KCP: variants seen among roughly 807,000 people sequenced by gnomAD.
KCP encodes the protein kielin cysteine rich BMP regulator, also known as kielin/chordin-like protein.
Under a neutral mutation model 212.7 loss-of-function variants are expected in KCP, and 194 were observed. That is an observed-to-expected ratio of 0.91 (90% CI 0.81 to 1.03). The LOEUF (loss-of-function observed/expected upper bound fraction) is 1.03, where lower values mean the gene tolerates loss of function less well. Among genes scored for constraint, KCP ranks in the 50% least tolerant of loss-of-function variants. The probability of loss-of-function intolerance (pLI) is 0.00; values close to 1 mark genes in which losing one functional copy is unlikely to be tolerated. For missense variants in KCP, 2,080 were observed against 2,162.5 expected (o/e 0.96, Z 0.76); for synonymous variants, 833 against 865.3 (o/e 0.96, Z 0.65).
rs766102866 is a variant in KCP at position 128,907,405 on chromosome 7, G to A, written c.268C>T (p.His90Tyr). The change falls in exon 3 of 40, where the codon CAC becomes TAC. Residue 90 changes from histidine to tyrosine, a missense_variant. Physicochemically the swap from His to Tyr is moderately conservative, Grantham distance 83 (BLOSUM62 2). Coordinates refer to ENST00000610776, the MANE Select transcript of KCP (RefSeq NM_001366122.1). The part of the protein sequence containing the change: ...RVRQLESCEC[H>Y]PASPQCWGLG... ...CCCCAGCACTGGGGAGATGCAGGGT[G>A]GCACTCACAGGACTCCAGCTGCCTC... is the stretch of plus-strand genomic sequence containing the variant. 1.2e-5 allele frequency: 18 copies of A among 1,522,682 alleles called. 1 individual carries two copies. In the South Asian group the frequency reaches 2.1e-4, roughly 17 times the overall value. 94.3% of individuals were successfully genotyped at this position (1,522,682 alleles called of 1,614,324 possible). A position where few individuals can be genotyped will look rare whatever the true frequency, so the allele number is the denominator to read the frequency against.
intron 28 of KCP, 145 bp from the exon 29 acceptor site, chr7:128,884,267 TCA>T: frequency 9.9e-7 from 1 of 1,010,360 alleles, no homozygotes; most frequent in Non-Finnish European, 1.4e-6. Flanking sequence ...GAAGAGAGAC[TCA>T]GTGTCTTCTA....
intron 7 of KCP, chr7:128,903,139 T>G: frequency 2.0e-6 from 1 of 496,674 alleles, no homozygotes; most frequent in Non-Finnish European, 3.6e-6. Context: ...CTCTCACACC[T>G]TCCCAGCCAA....
At position 128,906,309 on chromosome 7, in the gene KCP, G is replaced by A. The variant is rs557573846; in HGVS notation, c.541C>T (p.Pro181Ser). Residue 181 changes from proline (P) to serine (S), a missense_variant, in exon 5 of 40, where the codon CCA becomes TCA. Physicochemically the swap from Pro to Ser is moderately conservative, Grantham distance 74 (BLOSUM62 -1). Transcript: ENST00000610776. ...TTACAGTGCGGGCAGCATGCTCCTG[G>A]CTCAGGGCAGGGTCCTCTTGGGCAT... ...KPCPRGPCPE[P>S]GACCPHCKPG... 19 of 1,550,944 alleles carry A rather than the reference G, an allele frequency of 1.2e-5. No homozygotes were observed. The Admixed American group carries it at 3.3e-4, about 27-fold the overall frequency.
chr7:128,906,294 G>A lies in KCP; in HGVS notation c.556C>T (p.Pro186Ser). 1 of 1,551,092 alleles carries A rather than the reference G, an allele frequency of 6.4e-7. No homozygotes were observed. The highest frequency in any genetic ancestry group is 8.7e-7 in the Non-Finnish European group (1 of 1,146,818). Reference sequence around the variant, plus strand: ...GGAGGCTGACCTGGCTTACAGTGCGGGCAGCATGCTCCTGGCTCAGGGCAG... The same window carrying A: ...GGAGGCTGACCTGGCTTACAGTGCGAGCAGCATGCTCCTGGCTCAGGGCAG... ...GPCPEPGACC[P>S]HCKPGCDYEG... Residue 186 changes from proline (P) to serine (S), a missense_variant, in exon 5 of 40, where the codon CCG becomes TCG. By Grantham distance (74) the Pro-to-Ser change is moderately conservative. Coordinates refer to ENST00000610776, the MANE Select transcript of KCP (RefSeq NM_001366122.1).
At chr7:128,887,756 CAT>C (rs1467423629) in intron 22 of KCP, among the ~76,000 whole-genome samples, 1 of 150,332 alleles carries the variant, frequency 6.7e-6, no homozygotes, top group African/African-American at 2.5e-5. Context: ...TACACACACA[CAT>C]AAACACACAG....
At chr7:128,908,646 AC>A in intron 1 of KCP, 78 bp from the exon 2 acceptor site, 1 of 1,458,502 alleles carries the variant, frequency 6.9e-7, no homozygotes, top group Middle Eastern at 2.1e-4. Context: ...CTGTCTTCTG[AC>A]CCACAGGGGA....
chr7:128,892,232 G>T (rs1156391289), intron 16 of KCP, among the ~76,000 whole-genome samples: 2 of 151,992 alleles, frequency 1.3e-5, no homozygotes, highest in South Asian at 4.2e-4. Context: ...GGGGGGTAGG[G>T]GGGTGGGGGC....
rs1481303657 is a variant in KCP at position 128,893,445 on chromosome 7, G to A, written c.1131C>T (p.Ser377=). Residue 377 remains serine (S), a synonymous_variant, in exon 12 of 40, where the codon AGC becomes AGT. Coordinates refer to ENST00000610776, the MANE Select transcript of KCP (RefSeq NM_001366122.1). ...GCTCTTGGAGTCTGAAGGTCTCCTG[G>A]CTCTGATACTGGTGTCCCTGGTACT... is the stretch of plus-strand genomic sequence containing the variant. ...GCEYQGHQYQ[S]QETFRLQERG... The A allele has an allele frequency of 1.2e-5, 19 of 1,551,454 alleles. No individual in the cohort carries two copies. The highest frequency in any genetic ancestry group is 1.6e-5 in the Non-Finnish European group (18 of 1,146,912).
In KCP at chr7:128,892,997, A is replaced by T. The variant is rs1333203821; in HGVS notation, c.1292T>A (p.Phe431Tyr). The stretch of plus-strand genomic sequence containing the variant: ...AGGCTCCCACTGGACTCCCTCAGCA[A>T]ACTCCTCTCCATCCAGCTCACAGGC... ...CPACELDGEE[F>Y]AEGVQWEPDG... The change falls in exon 14 of 40, where the codon TTT (phenylalanine) becomes TAT (tyrosine). Residue 431 changes from phenylalanine to tyrosine, a missense_variant. Phe to Tyr is a conservative substitution (Grantham distance 22). Transcript: ENST00000610776. 4.0e-6 allele frequency: 4 copies of T among 1,003,222 alleles called. No individual in the cohort carries two copies. The highest frequency in any genetic ancestry group is 6.2e-6 in the Non-Finnish European group (4 of 646,126). 62.1% of individuals were successfully genotyped at this position (1,003,222 alleles called of 1,614,324 possible). A position where few individuals can be genotyped will look rare whatever the true frequency, so the allele number is the denominator to read the frequency against.
At chr7:128,903,080 A>G in intron 7 of KCP, 1 of 586,622 alleles carries the variant, frequency 1.7e-6, no homozygotes, top group Non-Finnish European at 3.0e-6. Flanking sequence ...TTCCGTGGAC[A>G]GAGCATAGCC....
rs545362304 is a variant in KCP at position 128,885,131 on chromosome 7, GC to G, written c.3005del (p.Arg1002ProfsTer83). The G allele has an allele frequency of 1.4e-4, 219 of 1,550,842 alleles. No homozygotes were observed. In the African/African-American group the frequency reaches 2.7e-3, roughly 19 times the overall value. On this transcript the variant is annotated frameshift_variant, in exon 27 of 40. Transcript: ENST00000610776. LOFTEE classifies it high-confidence loss of function. The part of the protein sequence containing the change: ...IQCISSCAQP[R>X]QGPHDCCPQC... ...GAGGACAGCAGTCATGGGGCCCTTG[GC>G]GGGGCTGGGCGCAAGAGCTGATGCA...
At position 128,893,866 on chromosome 7, in the gene KCP, G is replaced by A; in HGVS notation, c.1039C>T (p.Pro347Ser). 6.4e-7 allele frequency: 1 copy of A among 1,551,258 alleles called. No individual in the cohort carries two copies. Among genetic ancestry groups the A allele is most frequent in the Non-Finnish European group, 8.7e-7 (1 of 1,146,988 alleles). The change falls in exon 11 of 40, where the codon CCG becomes TCG. Residue 347 changes from proline to serine, a missense_variant. Pro to Ser is a moderately conservative substitution (Grantham distance 74, BLOSUM62 -1). Transcript: ENST00000610776. ...GSVQCEPLPCPPVPCRHPGKI... is the reference protein window; with the variant it reads ...GSVQCEPLPCSPVPCRHPGKI... The stretch of plus-strand genomic sequence containing the variant: ...CCTGGGTGTCTGCAGGGCACTGGCG[G>A]GCAGGGCAGAGGCTCACACTGGACA...
intron 18 of KCP, 35 bp from the exon 19 acceptor site, chr7:128,891,313 T>C: frequency 6.5e-7 from 1 of 1,546,840 alleles, no homozygotes; most frequent in Non-Finnish European, 8.7e-7. Flanking sequence ...GGTCAGTGGG[T>C]TAGTTGGGGG....
chr7:128,879,092 G>T lies in KCP; in HGVS notation c.4147-370C>A, dbSNP rs183357398. ...CACAATTAGGGTCCGGATTAGAAGT[G>T]TACACCCTTATTCTACGAATTTACG... On this transcript the variant is annotated intron_variant, in intron 37 of 39. Transcript: ENST00000610776. 1,584 of 362,196 alleles carry T rather than the reference G, an allele frequency of 4.4e-3. 5 individuals are homozygous for T. The highest frequency in any genetic ancestry group is 5.7e-3 in the Non-Finnish European group (1,115 of 197,028). The allele number at this position is 362,196 out of a possible 1,614,324, so 22.4% of individuals were successfully genotyped here.
Position 128,894,028 on chromosome 7 carries a change from C to A in KCP, c.953G>T (p.Arg318Leu). The part of the protein sequence containing the change: ...DGCFLNGREH[R>L]SGEPVGSGDP... ...CCCTGAGCCCACAGGCTCCCCGCTG[C>A]GGTGCTCCCGCCCGTTTAGGAAACA... Residue 318 changes from arginine to leucine, a missense_variant, in exon 10 of 40, where the codon CGC (arginine) becomes CTC (leucine). By Grantham distance (102) the Arg-to-Leu change is moderately radical. Transcript: ENST00000610776. The A allele has an allele frequency of 6.5e-7, 1 of 1,549,988 alleles. No individual in the cohort carries two copies. The highest frequency in any genetic ancestry group is 8.7e-7 in the Non-Finnish European group (1 of 1,146,376).
Position 128,880,080 on chromosome 7 carries a change from C to A in KCP, c.3765G>T (p.Lys1255Asn). 6.5e-7 allele frequency: 1 copy of A among 1,538,974 alleles called. No homozygotes were observed. Among genetic ancestry groups the A allele is most frequent in the Non-Finnish European group, 8.8e-7 (1 of 1,142,246 alleles). The stretch of plus-strand genomic sequence containing the variant: ...AGCTGCCAGGACTCAGGGCAGGGGC[C>A]TTGTCCTGCACTCAGCCCCAGACAC... ...RCSPLSCGPD[K>N]APALSPGSCC... Residue 1255 changes from lysine (K) to asparagine (N), a missense_variant, in exon 35 of 40, where the codon AAG (lysine) becomes AAT (asparagine). Lys to Asn is a moderately conservative substitution (Grantham distance 94, BLOSUM62 0). Coordinates refer to ENST00000610776, the MANE Select transcript of KCP (RefSeq NM_001366122.1).
At chr7:128,896,929 C>T (rs975275358) in intron 8 of KCP, among the ~76,000 whole-genome samples, 24 of 151,494 alleles carry the variant, frequency 1.6e-4, no homozygotes, top group African/African-American at 4.4e-4. Context: ...CCTTCTCTAC[C>T]GATACACAGC....
At chr7:128,888,596 CCACA>C (rs201825188) in intron 22 of KCP, among the ~76,000 whole-genome samples, 2 of 135,082 alleles carry the variant, frequency 1.5e-5, no homozygotes, top group Admixed American at 1.5e-4. Context: ...ACACACAGAG[CCACA>C]CACACACAGC....
At chr7:128,890,667 G>A (rs1277289239) in intron 20 of KCP, among the ~76,000 whole-genome samples, 154 bp from the exon 21 acceptor site, 13 of 147,066 alleles carry the variant, frequency 8.8e-5, no homozygotes, top group Non-Finnish European at 2.0e-4. Flanking sequence ...CGGGGAGGCC[G>A]TGGGCTCCGT....
Sources: gnomAD v4.1 joint callset for allele counts (sites outside exome capture counted in the v4.1 genomes callset) on GRCh38, gnomAD v4.1.1 for gene constraint, MANE v1.5 for transcripts, NCBI Gene and HGNC (gene_info 2026-07-23, HGNC 2026-07-21) for gene names.